The following ANO3 variants were observed in gnomAD, a reference collection of about 807,000 sequenced individuals.
The protein encoded by ANO3 is anoctamin 3.
Under a neutral mutation model 144.8 loss-of-function variants are expected in ANO3, and 99 were observed. That is an observed-to-expected ratio of 0.68 (90% CI 0.58 to 0.81). The LOEUF is 0.81. Among genes scored for constraint, ANO3 ranks in the 30% least tolerant of loss-of-function variants. The pLI is 0.00. For synonymous variants in ANO3, 414 were observed against 392.6 expected (o/e 1.05, Z -0.64); for missense variants, 905 against 1,202.2 (o/e 0.75, Z 3.66).
chr11:26,547,104 A>T (rs1176975353), intron 11 of ANO3, among the ~76,000 whole-genome samples: 2 of 151,808 alleles, frequency 1.3e-5, no homozygotes, highest in African/African-American at 4.8e-5. Context: ...CAGCTCTGTG[A>T]TGTGAAAAAA....
At chr11:26,313,723 T>C (rs1174474766) in intron 1 of ANO3, among the ~76,000 whole-genome samples, 1 of 151,588 alleles carries the variant, frequency 6.6e-6, no homozygotes, top group Non-Finnish European at 1.5e-5. Context: ...AAATTACAGG[T>C]GATAATACAT....
rs1011543219 is a variant in ANO3, at chr11:26,531,208, G to T, written c.741G>T (p.Met247Ile). Reference sequence around the variant, plus strand: ...CTCAAATGTGACTTCATTCCAGGATGCAAACTTATTTTAGAAGAATCAAAA... The same window carrying T: ...CTCAAATGTGACTTCATTCCAGGATTCAAACTTATTTTAGAAGAATCAAAA... Reference protein sequence around the residue: ...TDGRSKSMGRMQTYFRRIKNW... With the variant: ...TDGRSKSMGRIQTYFRRIKNW... Residue 247 changes from methionine (M) to isoleucine (I), a missense_variant, in exon 8 of 27, where the codon ATG becomes ATT. Physicochemically the swap from Met to Ile is conservative, Grantham distance 10. Transcript: ENST00000256737. 20 of 1,613,898 alleles carry T rather than the reference G, an allele frequency of 1.2e-5. No homozygotes were observed. The highest frequency in any genetic ancestry group is 1.7e-4 in the Middle Eastern group (1 of 6,058).
intron 14 of ANO3, among the ~76,000 whole-genome samples, chr11:26,564,595 G>A: frequency 6.9e-6 from 1 of 144,868 alleles, no homozygotes; most frequent in East Asian, 2.1e-4. Flanking sequence ...ACATAAAAAT[G>A]TCCACATAAT....
At chr11:26,334,699 C>A (rs1855148083) in intron 1 of ANO3, among the ~76,000 whole-genome samples, 1 of 152,182 alleles carries the variant, frequency 6.6e-6, no homozygotes, top group African/African-American at 2.4e-5. Context: ...GAGATGATTT[C>A]TTCTGTGACC....
chr11:26,525,684 G>A lies in ANO3; in HGVS notation c.737+5G>A. On this transcript the variant is annotated splice_donor_5th_base_variant and intron_variant, in intron 7 of 26. Coordinates refer to ENST00000256737, the MANE Select transcript of ANO3 (RefSeq NM_031418.4). ...GAGGAGCAAATCAATGGGCAGGTTG[G>A]TGGGTGATGAATCATTTCTTTATAA... is the stretch of plus-strand genomic sequence containing the variant. The A allele has an allele frequency of 6.2e-7, 1 of 1,607,374 alleles. No individual in the cohort carries two copies. Among genetic ancestry groups the A allele is most frequent in the Non-Finnish European group, 8.5e-7 (1 of 1,176,816 alleles).
intron 4 of ANO3, among the ~76,000 whole-genome samples, chr11:26,475,699 GTC>G (rs1289605735): frequency 1.3e-5 from 2 of 151,902 alleles, no homozygotes; most frequent in Non-Finnish European, 2.9e-5. Context: ...AAATATGTAT[GTC>G]TATCATAAAA....
At chr11:26,612,033 T>C (rs773803516) in intron 17 of ANO3, among the ~76,000 whole-genome samples, 1 of 152,122 alleles carries the variant, frequency 6.6e-6, no homozygotes, top group Non-Finnish European at 1.5e-5. Context: ...CAGCATACAG[T>C]TGGATATATT....
chr11:26,462,625 A>C (rs1201585829), intron 3 of ANO3, among the ~76,000 whole-genome samples: 1 of 151,892 alleles, frequency 6.6e-6, no homozygotes, highest in East Asian at 1.9e-4. Context: ...TTAAGAAAAC[A>C]GACTCTCAAG....
chr11:26,277,133 T>C (rs1489868852), intron 1 of ANO3, among the ~76,000 whole-genome samples: 1 of 151,602 alleles, frequency 6.6e-6, no homozygotes, highest in African/African-American at 2.4e-5. Flanking sequence ...AGTAGATATC[T>C]CTCTATTTCA....
intron 1 of ANO3, among the ~76,000 whole-genome samples, chr11:26,380,087 C>A (rs11029541): frequency 1.3e-5 from 2 of 152,198 alleles, no homozygotes; most frequent in East Asian, 3.9e-4. Flanking sequence ...TTCTATGCAT[C>A]CTCAGCTTTT....
intron 1 of ANO3, among the ~76,000 whole-genome samples, chr11:26,398,758 G>C (rs1857078553): frequency 6.6e-6 from 1 of 152,016 alleles, no homozygotes; most frequent in Non-Finnish European, 1.5e-5. Context: ...AAAAATCCGG[G>C]ATGGTATTCA....
chr11:26,603,563 A>G (rs1851856050), intron 17 of ANO3, among the ~76,000 whole-genome samples: 1 of 152,114 alleles, frequency 6.6e-6, no homozygotes, highest in African/African-American at 2.4e-5. Flanking sequence ...GTAAGGTAGT[A>G]TCATATAAAC....
intron 1 of ANO3, among the ~76,000 whole-genome samples, chr11:26,285,388 A>C (rs1853782222): frequency 1.3e-5 from 2 of 152,176 alleles, no homozygotes; most frequent in Non-Finnish European, 2.9e-5. Flanking sequence ...AAGATTTATA[A>C]AATTATTTTG....
At chr11:26,506,515 C>T (rs1450613544) in intron 4 of ANO3, among the ~76,000 whole-genome samples, 1 of 152,166 alleles carries the variant, frequency 6.6e-6, no homozygotes, top group Non-Finnish European at 1.5e-5. Flanking sequence ...TGTTATGGAA[C>T]TACAAGGCCC....
intron 1 of ANO3, among the ~76,000 whole-genome samples, chr11:26,359,567 T>C (rs1020426687): frequency 6.6e-6 from 1 of 150,858 alleles, no homozygotes. Context: ...TCTATGCAGC[T>C]GTCTCCTTTC....
At chr11:26,378,997 G>A (rs182417520) in intron 1 of ANO3, among the ~76,000 whole-genome samples, 124 of 141,784 alleles carry the variant, frequency 8.7e-4, no homozygotes, top group Non-Finnish European at 1.4e-3. Context: ...AAAACATAAT[G>A]ATAGGCAACA....
chr11:26,208,822 C>T (rs1254475010), intron 1 of ANO3, among the ~76,000 whole-genome samples: 1 of 152,116 alleles, frequency 6.6e-6, no homozygotes, highest in East Asian at 1.9e-4. Context: ...AAGTTTTGTA[C>T]TAACATTTGT....
intron 11 of ANO3, among the ~76,000 whole-genome samples, chr11:26,544,246 T>TTATACACATATATATATATATATA (rs1554967671): frequency 7.1e-5 from 1 of 14,072 alleles, no homozygotes; most frequent in Non-Finnish European, 2.8e-4. Context: ...TAGTATTTCA[T>TTATACACATATATATATATATATA]TATACATATA....
chr11:26,287,027 C>T (rs184101665), intron 1 of ANO3, among the ~76,000 whole-genome samples: 68 of 152,236 alleles, frequency 4.5e-4, no homozygotes, highest in Admixed American at 1.6e-3. Context: ...CTTTACATTA[C>T]CTGCCCAATT....
Sources: gnomAD v4.1 joint callset for allele counts (sites outside exome capture counted in the v4.1 genomes callset) on GRCh38, gnomAD v4.1.1 for gene constraint, MANE v1.5 for transcripts, NCBI Gene and HGNC (gene_info 2026-07-23, HGNC 2026-07-21) for gene names.